Variants in KIRREL3 observed in about 807,000 individuals in gnomAD.
The protein encoded by KIRREL3 is kirre like nephrin family adhesion molecule 3.
Under a neutral mutation model 89.7 loss-of-function variants are expected in KIRREL3, and 36 were observed. That is an observed-to-expected ratio of 0.40 (90% CI 0.31 to 0.53). The LOEUF (loss-of-function observed/expected upper bound fraction) is 0.53. KIRREL3 is among the 20% of genes least tolerant of loss of function. The pLI, the probability that KIRREL3 is intolerant of heterozygous loss-of-function variation, is 0.49. For synonymous variants in KIRREL3, 445 were observed against 441.4 expected, an observed-to-expected ratio of 1.01 and a Z score of -0.10; for missense variants, 864 against 1,056.6, an observed-to-expected ratio of 0.82 and a Z score of 2.53.
intron 1 of KIRREL3, among the ~76,000 whole-genome samples, chr11:126,966,762 G>A (rs1019118501): frequency 1.3e-5 from 2 of 152,106 alleles, no homozygotes; most frequent in East Asian, 1.9e-4. Flanking sequence ...ACCTGTATAT[G>A]CCTCGGTTTT....
At chr11:126,865,644 C>T (rs188940459) in intron 1 of KIRREL3, among the ~76,000 whole-genome samples, 3 of 152,296 alleles carry the variant, frequency 2.0e-5, no homozygotes, top group South Asian at 2.1e-4. Context: ...CTTTGAGAAA[C>T]GTGCAGAGAT....
intron 1 of KIRREL3, among the ~76,000 whole-genome samples, chr11:126,591,237 C>T (rs543999426): frequency 2.6e-5 from 4 of 152,244 alleles, no homozygotes; most frequent in East Asian, 3.9e-4. Flanking sequence ...CCCACACCTG[C>T]ACCCCAAAAG....
Position 126,547,426 on chromosome 11 carries a change from C to G in KIRREL3, c.133+15409G>C, listed in dbSNP as rs116263806. The stretch of plus-strand genomic sequence containing the variant: ...CTGCATCTGACGGAAAACCTATTAA[C>G]ATGCTACAGAAATGCTGCCTGTGTG... On this transcript the variant is annotated intron_variant, in intron 2 of 16. Coordinates refer to ENST00000525144, the MANE Select transcript of KIRREL3 (RefSeq NM_032531.4). 5.6e-3 allele frequency among the ~76,000 whole-genome samples: 855 copies of G among 152,336 alleles called. 7 individuals carry two copies. The highest frequency in any genetic ancestry group is 0.019 in the African/African-American group (777 of 41,562).
Position 126,872,009 on chromosome 11 carries a change from G to T in KIRREL3, c.55+128446C>A, listed in dbSNP as rs1185859287. On this transcript the variant is annotated intron_variant, in intron 1 of 16. Transcript: ENST00000525144. The surrounding 1 kb of genome is among the most constrained non-coding windows in gnomAD (Gnocchi z 4.2). ...GACTTTGTACTTAATGCAGACAGTG[G>T]CTATGAGGTAGGAAATCAGCAGAGC... is the stretch of plus-strand genomic sequence containing the variant. Among the ~76,000 whole-genome samples, 1 of 152,178 alleles carries T rather than the reference G, an allele frequency of 6.6e-6. No homozygotes were observed.
rs76324732 is a variant in KIRREL3 at position 126,735,249 on chromosome 11, G to A, written c.56-172337C>T. Among the ~76,000 whole-genome samples, 1,287 of 152,258 alleles carry A rather than the reference G, an allele frequency of 8.5e-3. 28 individuals carry two copies. The highest frequency in any genetic ancestry group is 0.028 in the African/African-American group (1,163 of 41,544). ...AAACCCATGACAGAAACTGGCAGTC[G>A]GTAGTAACATTAGCTGGGTCTGAAC... On this transcript the variant is annotated intron_variant, in intron 1 of 16. Coordinates refer to ENST00000525144, the MANE Select transcript of KIRREL3 (RefSeq NM_032531.4).
intron 1 of KIRREL3, among the ~76,000 whole-genome samples, chr11:126,638,175 C>T (rs144557168): frequency 2.6e-5 from 4 of 152,208 alleles, no homozygotes; most frequent in Non-Finnish European, 5.9e-5. Context: ...GGGTTTAGCA[C>T]TGACTTCTCA....
At chr11:126,453,034 C>G (rs1224932463) in intron 7 of KIRREL3, among the ~76,000 whole-genome samples, 1 of 152,088 alleles carries the variant, frequency 6.6e-6, no homozygotes, top group Admixed American at 6.5e-5. Flanking sequence ...TGTCCTTCCT[C>G]TTTGTCTCCT....
intron 1 of KIRREL3, among the ~76,000 whole-genome samples, chr11:126,873,649 G>A (rs1188797074): frequency 6.6e-6 from 1 of 152,180 alleles, no homozygotes; most frequent in Non-Finnish European, 1.5e-5. Context: ...GGAGAAGAGT[G>A]GGCGAGTCAT....
At position 126,521,296 on chromosome 11, in the gene KIRREL3, G is replaced by T. The variant is rs771565813; in HGVS notation, c.433+19C>A. 2.0e-6 allele frequency: 3 copies of T among 1,523,918 alleles called. No homozygotes were observed. The highest frequency in any genetic ancestry group is 2.0e-5 in the Admixed American group (1 of 49,510). The allele number at this position is 1,523,918 out of a possible 1,614,324, so 94.4% of individuals were successfully genotyped here. ...GTGCTTCACGCAGTGTCCCAGCCCC[G>T]TGTGCAGATGGTTCTTACCCAGGAC... On this transcript the variant is annotated intron_variant, in intron 4 of 16. Coordinates refer to ENST00000525144, the MANE Select transcript of KIRREL3 (RefSeq NM_032531.4). This position sits in a 1 kb window ranked among gnomAD's most constrained non-coding sequence, Gnocchi z 4.1.
intron 4 of KIRREL3, among the ~76,000 whole-genome samples, chr11:126,500,900 A>G (rs1957836826): frequency 6.6e-6 from 1 of 152,184 alleles, no homozygotes; most frequent in South Asian, 2.1e-4. Flanking sequence ...GAGGAGTTCA[A>G]GTATAATTTA....
At chr11:126,832,294 G>A (rs962536932) in intron 1 of KIRREL3, among the ~76,000 whole-genome samples, 1 of 152,134 alleles carries the variant, frequency 6.6e-6, no homozygotes, top group Non-Finnish European at 1.5e-5. Flanking sequence ...TAAGGCCAAG[G>A]GGTCAATGCA....
At chr11:126,770,388 G>A (rs1254463763) in intron 1 of KIRREL3, among the ~76,000 whole-genome samples, 1 of 152,210 alleles carries the variant, frequency 6.6e-6, no homozygotes, top group Non-Finnish European at 1.5e-5. Context: ...TGTCACTACA[G>A]TCGCAGCGAC....
Position 126,739,060 on chromosome 11 carries a change from A to G in KIRREL3, c.56-176148T>C, listed in dbSNP as rs1444139475. Among the ~76,000 whole-genome samples the G allele has an allele frequency of 6.6e-6, 1 of 152,248 alleles. No homozygotes were observed. The highest frequency in any genetic ancestry group is 1.5e-5 in the Non-Finnish European group (1 of 68,038). ...ATATATGATACAAACGGTACAAATG[A>G]AGAAACTGGCTTTCAGAGAGACCAA... is the stretch of plus-strand genomic sequence containing the variant. On this transcript the variant is annotated intron_variant, in intron 1 of 16. Transcript: ENST00000525144. The surrounding 1 kb of genome is among the most constrained non-coding windows in gnomAD (Gnocchi z 5.5).
At chr11:126,881,457 C>T (rs1393755557) in intron 1 of KIRREL3, among the ~76,000 whole-genome samples, 2 of 152,194 alleles carry the variant, frequency 1.3e-5, no homozygotes, top group East Asian at 3.8e-4. Flanking sequence ...TTTCCTTGGT[C>T]ATGGTCACCA....
At chr11:126,714,624 C>T (rs887605266) in intron 1 of KIRREL3, among the ~76,000 whole-genome samples, 3 of 152,122 alleles carry the variant, frequency 2.0e-5, no homozygotes, top group Non-Finnish European at 4.4e-5. Flanking sequence ...CTCACTTCTC[C>T]TTGGGGAGAA....
rs1402421127 is a variant in KIRREL3 at position 126,908,338 on chromosome 11, A to C, written c.55+92117T>G. Among the ~76,000 whole-genome samples, 1 of 152,220 alleles carries C rather than the reference A, an allele frequency of 6.6e-6. No homozygotes were observed. Among genetic ancestry groups the C allele is most frequent in the Non-Finnish European group, 1.5e-5 (1 of 68,042 alleles). On this transcript the variant is annotated intron_variant, in intron 1 of 16. Coordinates refer to ENST00000525144, the MANE Select transcript of KIRREL3 (RefSeq NM_032531.4). The surrounding 1 kb of genome is among the most constrained non-coding windows in gnomAD (Gnocchi z 4.2). ...CCAAGACTAAGAGATCTTTATGATC[A>C]TTTCGTCCAACCAAAGCAAGGACTC...
intron 1 of KIRREL3, among the ~76,000 whole-genome samples, chr11:126,693,631 A>ACACC (rs775737611): frequency 0.013 from 1,991 of 151,540 alleles, 48 homozygotes; most frequent in African/African-American, 0.044. Flanking sequence ...ACACACACAC[A>ACACC]CCCATAGTCA....
rs4579936 is a variant in KIRREL3 at position 126,513,407 on chromosome 11, A to G, written c.433+7908T>C. On this transcript the variant is annotated intron_variant, in intron 4 of 16. Coordinates refer to ENST00000525144, the MANE Select transcript of KIRREL3 (RefSeq NM_032531.4). This position sits in a 1 kb window ranked among gnomAD's most constrained non-coding sequence, Gnocchi z 5.9. ...TGGCTGGGGTAGGGTGGGGCTGTGC[A>G]TTCCTTGCATCAGGTCTTCTCCTTC... is the stretch of plus-strand genomic sequence containing the variant. 0.37 allele frequency among the ~76,000 whole-genome samples: 56,263 copies of G among 151,930 alleles called. 11,413 individuals carry two copies. The highest frequency in any genetic ancestry group is 0.52 in the African/African-American group (21,688 of 41,386).
At chr11:126,789,838 C>G (rs764914793) in intron 1 of KIRREL3, among the ~76,000 whole-genome samples, 1 of 152,198 alleles carries the variant, frequency 6.6e-6, no homozygotes, top group African/African-American at 2.4e-5. Context: ...TATGGAATCC[C>G]GTCCTTGAAC....
Sources: allele counts gnomAD v4.1 joint callset (sites outside exome capture counted in the v4.1 genomes callset), GRCh38; gene constraint gnomAD v4.1.1; non-coding constraint Gnocchi (gnomAD v3.1); transcripts MANE v1.5; gene names NCBI Gene and HGNC (gene_info 2026-07-23, HGNC 2026-07-21).